The following KRT82 variants were observed in gnomAD, a reference collection of about 807,000 sequenced individuals.
KRT82 encodes keratin, type II cuticular Hb2.
In KRT82, 44 loss-of-function variants were observed where a neutral mutation model predicts 48.0. The ratio of observed to expected loss-of-function variants is 0.92; its 90% confidence interval spans 0.72 to 1.18. The LOEUF (loss-of-function observed/expected upper bound fraction) is 1.18. Among genes scored for constraint, KRT82 ranks in the 50% most tolerant of loss-of-function variants. The pLI, the probability that KRT82 is intolerant of heterozygous loss-of-function variation, is 0.00. For synonymous variants in KRT82, 297 were observed against 278.3 expected (o/e 1.07, Z -0.67); for missense variants, 701 against 671.4 (o/e 1.04, Z -0.49).
intron 2 of KRT82, 94 bp from the exon 3 acceptor site, chr12:52,401,443 A>G: frequency 8.0e-7 from 1 of 1,247,622 alleles, no homozygotes; most frequent in South Asian, 1.2e-5. Context: ...TCTGCCTGTC[A>G]CTGACTGAAT....
rs1193906628 is a variant in KRT82 at position 52,395,790 on chromosome 12, C to G, written c.1290G>C (p.Arg430Ser). The G allele has an allele frequency of 1.7e-5, 26 of 1,550,144 alleles. No homozygotes were observed. In the Admixed American group the frequency reaches 5.4e-4, roughly 32 times the overall value. Residue 430 changes from arginine (R) to serine (S), a missense_variant and splice_region_variant, in exon 8 of 9, where the codon AGG (arginine) becomes AGC (serine). Physicochemically the swap from Arg to Ser is moderately radical, Grantham distance 110. Coordinates refer to ENST00000257974, the MANE Select transcript of KRT82 (RefSeq NM_033033.4). Reference protein sequence around the residue: ...YRRLLEGEEHRLCEGIGPVNI... With the variant: ...YRRLLEGEEHSLCEGIGPVNI... ...TCACGGGCCCGATGCCTTCGCACAGCCTGGGGATGAGAGGAAAAAGAAAAC... is the reference window on the plus strand; with the variant it reads ...TCACGGGCCCGATGCCTTCGCACAGGCTGGGGATGAGAGGAAAAAGAAAAC...
In KRT82 at chr12:52,395,361, T is replaced by C. The variant is rs540257619; in HGVS notation, c.1322-166A>G. Among the ~76,000 whole-genome samples, 3 of 152,228 alleles carry C rather than the reference T, an allele frequency of 2.0e-5. No homozygotes were observed. The East Asian group carries it at 5.8e-4, about 29-fold the overall frequency. On this transcript the variant is annotated intron_variant, in intron 8 of 8. Coordinates refer to ENST00000257974, the MANE Select transcript of KRT82 (RefSeq NM_033033.4). The stretch of plus-strand genomic sequence containing the variant: ...CGTCTCCCACCCTAGCCACATAAAG[T>C]GCTTGCAAGGTCCCCATGCACCTCT...
At position 52,403,862 on chromosome 12, in the gene KRT82, G is replaced by A. The variant is rs201745508; in HGVS notation, c.459C>T (p.Asn153=). The change falls in exon 2 of 9, where the codon AAC becomes AAT. Residue 153 remains asparagine, a synonymous_variant. Transcript: ENST00000257974. The part of the protein sequence containing the change: ...QKNKLLETKW[N]FMQQQRCCQT... ...GGCAGCACCTCTGCTGCTGCATGAA[G>A]TTCCACTTGGTCTCCAGCAGCTTGT... 1.2e-6 allele frequency: 2 copies of A among 1,614,046 alleles called. No homozygotes were observed. The highest frequency in any genetic ancestry group is 1.3e-5 in the African/African-American group (1 of 75,066).
At chr12:52,396,354 A>T (rs1939715372) in intron 6 of KRT82, 122 bp from the exon 7 acceptor site, 1 of 880,944 alleles carries the variant, frequency 1.1e-6, no homozygotes, top group African/African-American at 1.7e-5. Context: ...GCTTCATCCT[A>T]GGATTGCGAC....
At chr12:52,396,803 T>C (rs1431065848) in intron 6 of KRT82, 80 bp downstream of exon 6, 18 of 1,540,682 alleles carry the variant, frequency 1.2e-5, no homozygotes, top group Admixed American at 3.4e-5. Context: ...ACAGCAAGGA[T>C]TGAACCCGCC....
In KRT82 at chr12:52,395,743, T is replaced by C. The variant is rs760664728; in HGVS notation, c.1321+16A>G. On this transcript the variant is annotated intron_variant, in intron 8 of 8. Transcript: ENST00000257974. ...CCAAGACTCCAGAGCCAGTGGGGCA[T>C]GGCTCATCTACTTACAGATATTCAC... 3 of 1,559,062 alleles carry C rather than the reference T, an allele frequency of 1.9e-6. No individual in the cohort carries two copies. The highest frequency in any genetic ancestry group is 2.6e-6 in the Non-Finnish European group (3 of 1,157,098).
At position 52,406,175 on chromosome 12, in the gene KRT82, T is replaced by G. The variant is rs757385746; in HGVS notation, c.103A>C (p.Lys35Gln). The G allele has an allele frequency of 1.5e-5, 24 of 1,613,544 alleles. No homozygotes were observed. The highest frequency in any genetic ancestry group is 1.9e-5 in the Non-Finnish European group (23 of 1,179,950). ...CCACCCCCGGGCCGGCATGGCCCCT[T>G]GCTCACTGCATAGTGGGTGACCATC... ...PRMVTHYAVS[K>Q]GPCRPGGGRG... The change falls in exon 1 of 9, where the codon AAG becomes CAG. Residue 35 changes from lysine to glutamine, a missense_variant. Lys to Gln is a moderately conservative substitution (Grantham distance 53, BLOSUM62 1). Transcript: ENST00000257974.
chr12:52,403,005 C>T (rs1939809519), intron 2 of KRT82, among the ~76,000 whole-genome samples: 1 of 152,142 alleles, frequency 6.6e-6, no homozygotes, highest in South Asian at 2.1e-4. Flanking sequence ...CAGCCCGGGA[C>T]CTGGTGAGAA....
At chr12:52,395,285 A>T in intron 8 of KRT82, 90 bp from the exon 9 acceptor site, 1 of 1,003,664 alleles carries the variant, frequency 1.0e-6, no homozygotes, top group Non-Finnish European at 1.5e-6. Flanking sequence ...CATTCCTCCC[A>T]CCTCCTGCCA....
rs201401388 is a variant in KRT82, at chr12:52,400,022, C to T, written c.905G>A (p.Arg302His). Residue 302 changes from arginine to histidine, a missense_variant, in exon 5 of 9, where the codon CGC becomes CAC. Arg to His is a conservative substitution (Grantham distance 29). Coordinates refer to ENST00000257974, the MANE Select transcript of KRT82 (RefSeq NM_033033.4). ...IKAQYDDIAS[R>H]SKAEAEAWYQ... ...CCAGGCCTCTGCTTCGGCTTTGCTG[C>T]GGCTGGCGATGTCGTCATACTGCGC... The T allele has an allele frequency of 3.4e-4, 554 of 1,614,032 alleles. No individual in the cohort carries two copies. The highest frequency in any genetic ancestry group is 4.3e-4 in the Non-Finnish European group (506 of 1,179,992).
At chr12:52,400,391 G>C (rs553215989) in intron 4 of KRT82, 136 bp downstream of exon 4, 1 of 730,916 alleles carries the variant, frequency 1.4e-6, no homozygotes. Flanking sequence ...GAGTCTCACC[G>C]CCTGAGAACG....
rs150284604 is a variant in KRT82, at chr12:52,396,036, C to T, written c.1265G>A (p.Arg422His). The T allele has an allele frequency of 5.0e-5, 80 of 1,613,958 alleles. No homozygotes were observed. The East Asian group carries it at 1.3e-3, about 26-fold the overall frequency. The change falls in exon 7 of 9, where the codon CGC (arginine) becomes CAC (histidine). Residue 422 changes from arginine (R) to histidine (H), a missense_variant. Coordinates refer to ENST00000257974, the MANE Select transcript of KRT82 (RefSeq NM_033033.4). ...GLDIEIATYR[R>H]LLEGEEHRLC... is the part of the protein sequence containing the mutation. ...CCTGTGCTCTTCACCCTCCAGCAGG[C>T]GCCTGTAGGTGGCGATCTCGATGTC...
Position 52,395,080 on chromosome 12 carries a change from T to C in KRT82, c.1437A>G (p.Glu479=), listed in dbSNP as rs1312076638. 2.5e-6 allele frequency: 4 copies of C among 1,613,652 alleles called. No homozygotes were observed. The African/African-American group carries it at 5.3e-5, about 22-fold the overall frequency. The change falls in exon 9 of 9, where the codon GAA becomes GAG. Residue 479 remains glutamate, a synonymous_variant. Coordinates refer to ENST00000257974, the MANE Select transcript of KRT82 (RefSeq NM_033033.4). ...NGGCSIVGTG[E]LYVPCEPQGL... ...CCTGGGGCTCGCAGGGGACATAGAG[T>C]TCACCAGTGCCCACGATGCTGCAGC...
intron 1 of KRT82, 81 bp downstream of exon 1, chr12:52,405,786 C>T (rs1939843887): frequency 7.0e-7 from 1 of 1,430,800 alleles, no homozygotes; most frequent in Non-Finnish European, 9.4e-7. Flanking sequence ...CAGTCTCCTC[C>T]TGGTTCCCTT....
At chr12:52,396,297 A>T in intron 6 of KRT82, 65 bp from the exon 7 acceptor site, 1 of 1,473,880 alleles carries the variant, frequency 6.8e-7, no homozygotes, top group Admixed American at 2.0e-5. Context: ...CTCGCAGAAG[A>T]GCAGAGAGAA....
In KRT82 at chr12:52,395,042, C is replaced by T; in HGVS notation, c.1475G>A (p.Cys492Tyr). 1 of 1,614,058 alleles carries T rather than the reference C, an allele frequency of 6.2e-7. No individual in the cohort carries two copies. The highest frequency in any genetic ancestry group is 2.2e-5 in the East Asian group (1 of 44,858). Residue 492 changes from cysteine (C) to tyrosine (Y), a missense_variant, in exon 9 of 9, where the codon TGT (cysteine) becomes TAT (tyrosine). By Grantham distance (194) the Cys-to-Tyr change is radical. Transcript: ENST00000257974. ...CATGCTGGATTTCCGCCCGCTCCCA[C>T]AGCTCAGTAGCCCCTGGGGCTCGCA... ...VPCEPQGLLS[C>Y]GSGRKSSMTL...
intron 8 of KRT82, 43 bp downstream of exon 8, chr12:52,395,716 C>T (rs756521691): frequency 2.6e-6 from 4 of 1,512,418 alleles, no homozygotes; most frequent in South Asian, 1.2e-5. Context: ...GGTGATCAAC[C>T]CCCAAGACTC....
rs1421240193 is a variant in KRT82, at chr12:52,395,931, G to GA, written c.1289+80dup. On this transcript the variant is annotated intron_variant, in intron 7 of 8. Coordinates refer to ENST00000257974, the MANE Select transcript of KRT82 (RefSeq NM_033033.4). ...AATGTGGGTAGGGGACGGGGTGAGA[G>GA]ATACTAGCAGCCGCCACCAGAGGGC... The GA allele has an allele frequency of 2.5e-6, 4 of 1,580,322 alleles. No homozygotes were observed. In the African/African-American group the frequency reaches 5.4e-5, roughly 21 times the overall value.
At chr12:52,400,675 G>T (rs1939777551) in intron 3 of KRT82, 53 bp from the exon 4 acceptor site, 4 of 1,292,110 alleles carry the variant, frequency 3.1e-6, no homozygotes, top group African/African-American at 2.9e-5. Flanking sequence ...TCCCAGGCAA[G>T]CTGGTGGCAG....
Sources: gnomAD v4.1 joint callset for allele counts (sites outside exome capture counted in the v4.1 genomes callset) on GRCh38, gnomAD v4.1.1 for gene constraint, MANE v1.5 for transcripts, NCBI Gene and HGNC (gene_info 2026-07-23, HGNC 2026-07-21) for gene names.